The following KLF7 variants were observed in gnomAD, a reference collection of about 807,000 sequenced individuals.
KLF7 encodes the protein Krueppel-like factor 7.
A neutral mutation model predicts 27.3 loss-of-function variants in KLF7; 2 were observed. The observed-to-expected ratio is 0.07, with a 90% CI of 0.03 to 0.23. The LOEUF is 0.23. KLF7 is among the 10% of genes least tolerant of loss of function. The pLI is 1.00. For synonymous variants in KLF7, 165 were observed against 162.4 expected (o/e 1.02, Z -0.12); for missense variants, 221 against 394.1 (o/e 0.56, Z 3.72).
chr2:207,104,882 T>C (rs919148951), intron 2 of KLF7, among the ~76,000 whole-genome samples: 8 of 152,366 alleles, frequency 5.3e-5, no homozygotes, highest in Middle Eastern at 3.4e-3. Context: ...ACCTATATAA[T>C]AGCTGTTCTA....
At chr2:207,090,128 C>T (rs1214007229) in intron 2 of KLF7, among the ~76,000 whole-genome samples, 3 of 151,880 alleles carry the variant, frequency 2.0e-5, no homozygotes, top group Admixed American at 2.0e-4. Context: ...TCTGTAAGAC[C>T]CACAGAGAAG....
intron 2 of KLF7, among the ~76,000 whole-genome samples, chr2:207,096,111 T>C (rs1367886963): frequency 6.6e-6 from 1 of 152,188 alleles, no homozygotes; most frequent in African/African-American, 2.4e-5. Flanking sequence ...TTCCCATTTT[T>C]ACATTCCAAC....
At chr2:207,172,693 G>A in the KLF7 span, among the ~76,000 whole-genome samples, 1 of 152,122 alleles carries the variant, frequency 6.6e-6, no homozygotes, top group African/African-American at 2.4e-5. Flanking sequence ...TGTATTCAAA[G>A]TATTCTCTTC....
chr2:207,092,844 A>C (rs1034732729), intron 2 of KLF7, among the ~76,000 whole-genome samples: 1 of 152,220 alleles, frequency 6.6e-6, no homozygotes, highest in African/African-American at 2.4e-5. Context: ...ATATATATTC[A>C]ATAGACCAAT....
chr2:207,094,850 T>C (rs1369788632), intron 2 of KLF7, among the ~76,000 whole-genome samples: 2 of 152,084 alleles, frequency 1.3e-5, no homozygotes, highest in South Asian at 2.1e-4. Flanking sequence ...AATTCTTTTA[T>C]AGAATTCCCA....
At position 207,080,909 on chromosome 2, in the gene KLF7, A is replaced by G. The variant is rs1269921279; in HGVS notation, c.*304T>C. On this transcript the variant is annotated 3_prime_UTR_variant, in exon 4 of 4. Transcript: ENST00000309446. Reference sequence around the variant, plus strand: ...GAAATAATTCCAATAGTGCTGAAGTAAGCAGCCAGTCTGCCTTGCTGAGTT... The same window carrying G: ...GAAATAATTCCAATAGTGCTGAAGTGAGCAGCCAGTCTGCCTTGCTGAGTT... The G allele has an allele frequency of 4.7e-6, 2 of 422,886 alleles. No homozygotes were observed. The highest frequency in any genetic ancestry group is 2.0e-5 in the African/African-American group (1 of 49,238). 26.2% of individuals were successfully genotyped at this position (422,886 alleles called of 1,614,324 possible).
At chr2:207,124,528 C>T in intron 1 of KLF7, 124 bp from the exon 2 acceptor site, 3 of 936,450 alleles carry the variant, frequency 3.2e-6, no homozygotes, top group Non-Finnish European at 4.8e-6. Flanking sequence ...ATCAGAAATG[C>T]CTTAGTAGAA....
intron 1 of KLF7, among the ~76,000 whole-genome samples, chr2:207,155,893 G>A (rs946283887): frequency 2.6e-5 from 4 of 152,196 alleles, no homozygotes; most frequent in Non-Finnish European, 5.9e-5. Flanking sequence ...TTTGTATGCT[G>A]AGCAAATTTG....
Position 207,085,164 on chromosome 2 carries a change from GAAAAAAAAAAAAAAAAA to G in KLF7, c.857+3277_857+3293del, listed in dbSNP as rs1015691241. Among the ~76,000 whole-genome samples, 3 of 22,986 alleles carry G rather than the reference GAAAAAAAAAAAAAAAAA, an allele frequency of 1.3e-4. 1 individual carries two copies. The highest frequency in any genetic ancestry group is 2.3e-4 in the Non-Finnish European group (3 of 13,082). The allele number at this position is 22,986 out of a possible 152,430, so 15.1% of individuals were successfully genotyped here. On this transcript the variant is annotated intron_variant, in intron 3 of 3. Coordinates refer to ENST00000309446, the MANE Select transcript of KLF7 (RefSeq NM_003709.4). ...GCAACAAAGCCAGACTGTCTCAAAT[GAAAAAAAAAAAAAAAAA>G]AAAAAAAAAAAAGGCACACTAACGT...
intron 1 of KLF7, among the ~76,000 whole-genome samples, chr2:207,135,841 T>C (rs2077770112): frequency 6.6e-6 from 1 of 152,174 alleles, no homozygotes; most frequent in South Asian, 2.1e-4. Flanking sequence ...ATTAAATGCT[T>C]ACTGTCTGGG....
At chr2:207,145,229 T>C (rs1424282258) in intron 1 of KLF7, among the ~76,000 whole-genome samples, 1 of 152,256 alleles carries the variant, frequency 6.6e-6, no homozygotes, top group African/African-American at 2.4e-5. Context: ...ATCTCTTATT[T>C]GACATGATTT....
rs1311512581 is a variant in KLF7 at position 207,074,909 on chromosome 2, T to C, written c.*6304A>G. ...GCATTGAGCTGCCTCAATGAAACTATAAAATACACACATACGCACACACAC... is the reference window on the plus strand; with the variant it reads ...GCATTGAGCTGCCTCAATGAAACTACAAAATACACACATACGCACACACAC... On this transcript the variant is annotated 3_prime_UTR_variant, in exon 4 of 4. Coordinates refer to ENST00000309446, the MANE Select transcript of KLF7 (RefSeq NM_003709.4). 3.3e-5 allele frequency: 5 copies of C among 152,162 alleles called. No individual in the cohort carries two copies. The highest frequency in any genetic ancestry group is 7.3e-5 in the Non-Finnish European group (5 of 68,030). The allele number at this position is 152,162 out of a possible 1,614,324, so 9.4% of individuals were successfully genotyped here.
intron 2 of KLF7, among the ~76,000 whole-genome samples, chr2:207,120,430 T>G (rs2077306849): frequency 6.6e-6 from 1 of 152,226 alleles, no homozygotes; most frequent in Non-Finnish European, 1.5e-5. Flanking sequence ...TTTACTTCAT[T>G]TCTTCACTGT....
chr2:207,149,250 G>A (rs761365904), intron 1 of KLF7: 19 of 864,230 alleles, frequency 2.2e-5, no homozygotes, highest in Middle Eastern at 2.6e-4. Flanking sequence ...CCCACTCAGC[G>A]CTGTCACTCT....
intron 1 of KLF7, among the ~76,000 whole-genome samples, chr2:207,132,031 C>A (rs932520364): frequency 9.9e-5 from 15 of 152,142 alleles, no homozygotes; most frequent in Admixed American, 5.2e-4. Context: ...GAGAGTGATT[C>A]CTAACAAGAT....
rs956501923 is a variant in KLF7, at chr2:207,078,774, C to T, written c.*2439G>A. Reference sequence around the variant, plus strand: ...GGTTCAAGGTCCCTCACACATCCTTCATCCAGGAAGGATGCACCACACATT... The same window carrying T: ...GGTTCAAGGTCCCTCACACATCCTTTATCCAGGAAGGATGCACCACACATT... On this transcript the variant is annotated 3_prime_UTR_variant, in exon 4 of 4. Transcript: ENST00000309446. The T allele has an allele frequency of 4.6e-5, 7 of 152,202 alleles. No individual in the cohort carries two copies. Among genetic ancestry groups the T allele is most frequent in the African/African-American group, 1.7e-4 (7 of 41,450 alleles). 9.4% of individuals were successfully genotyped at this position (152,202 alleles called of 1,614,324 possible). A position where few individuals can be genotyped will look rare whatever the true frequency, so the allele number is the denominator to read the frequency against.
intron 2 of KLF7, among the ~76,000 whole-genome samples, chr2:207,117,563 G>A (rs1279506484): frequency 6.6e-6 from 1 of 152,024 alleles, no homozygotes; most frequent in Non-Finnish European, 1.5e-5. Flanking sequence ...CATATTAAAG[G>A]CCCTTTAATG....
intron 2 of KLF7, among the ~76,000 whole-genome samples, chr2:207,093,317 A>G (rs1471230668): frequency 6.6e-6 from 1 of 152,192 alleles, no homozygotes; most frequent in Non-Finnish European, 1.5e-5. Flanking sequence ...AAGGCTCTAC[A>G]GTACAGCCTG....
chr2:207,082,957 C>A (rs1408176160), intron 3 of KLF7, among the ~76,000 whole-genome samples: 3 of 152,134 alleles, frequency 2.0e-5, no homozygotes, highest in Admixed American at 6.6e-5. Context: ...TGAAATGGGA[C>A]AAGAGTAAAA....
Sources: allele counts gnomAD v4.1 joint callset (sites outside exome capture counted in the v4.1 genomes callset), GRCh38; gene constraint gnomAD v4.1.1; transcripts MANE v1.5; gene names NCBI Gene and HGNC (gene_info 2026-07-23, HGNC 2026-07-21).